SFI1: variants seen among roughly 807,000 people sequenced by gnomAD.
SFI1 encodes the protein SFI1 centrin binding protein, also known as protein SFI1 homolog.
In SFI1, 195 loss-of-function variants were observed where a neutral mutation model predicts 207.5. The ratio of observed to expected loss-of-function variants is 0.94; its 90% CI spans 0.84 to 1.06. SFI1 has a LOEUF of 1.06. Among genes scored for constraint, SFI1 ranks in the 50% least tolerant of loss-of-function variants. The probability of loss-of-function intolerance (pLI) is 0.00; values close to 1 mark genes in which losing one functional copy is unlikely to be tolerated. For synonymous variants in SFI1, 630 were observed against 598.9 expected (o/e 1.05, Z -0.76); for missense variants, 1,634 against 1,588.0 (o/e 1.03, Z -0.49).
intron 3 of SFI1, among the ~76,000 whole-genome samples, chr22:31,530,171 CAAAAAAAAAAAAAAA>C (rs1162482504): frequency 2.0e-3 from 24 of 12,108 alleles, no homozygotes; most frequent in South Asian, 7.6e-3. Flanking sequence ...GACTCCATCT[CAAAAAAAAAAAAAAA>C]AAAAAAAAAA....
At chr22:31,583,789 G>C in intron 12 of SFI1, 86 bp from the exon 13 acceptor site, 1 of 1,177,590 alleles carries the variant, frequency 8.5e-7, no homozygotes, top group Non-Finnish European at 1.3e-6. Context: ...TTCTGCTTTG[G>C]GGGAGCTCAC....
At chr22:31,538,697 C>G (rs937291234) in intron 4 of SFI1, 1 of 152,230 alleles carries the variant, frequency 6.6e-6, no homozygotes, top group Non-Finnish European at 1.5e-5. Flanking sequence ...TTTCCTTCTT[C>G]TAGAATACCT....
At chr22:31,518,803 A>G (rs1288747444) in intron 2 of SFI1, among the ~76,000 whole-genome samples, 1 of 152,126 alleles carries the variant, frequency 6.6e-6, no homozygotes, top group Non-Finnish European at 1.5e-5. Flanking sequence ...AGGAGTCTGG[A>G]ATTTTGGTAT....
At position 31,575,261 on chromosome 22, in the gene SFI1, T is replaced by C. The variant is rs1376293632; in HGVS notation, c.953T>C (p.Val318Ala). 1 of 1,612,040 alleles carries C rather than the reference T, an allele frequency of 6.2e-7. No homozygotes were observed. Among genetic ancestry groups the C allele is most frequent in the Non-Finnish European group, 8.5e-7 (1 of 1,179,134 alleles). ...GCTGAGCGATTCCATCATGTCACTG[T>C]GCTCCAGATATACTTCTGTGACTGG... ...EMAERFHHVT[V>A]LQIYFCDWQQ... is the part of the protein sequence containing the mutation. Residue 318 changes from valine to alanine, a missense_variant, in exon 10 of 33, where the codon GTG becomes GCG. Val to Ala is a moderately conservative substitution (Grantham distance 64). Transcript: ENST00000400288.
intron 15 of SFI1, among the ~76,000 whole-genome samples, chr22:31,596,017 C>T (rs1211630938): frequency 6.6e-6 from 1 of 152,090 alleles, no homozygotes; most frequent in African/African-American, 2.4e-5. Flanking sequence ...CTTTGGGAGG[C>T]AGAGGTGGGT....
chr22:31,599,847 G>A (rs1248083961), intron 15 of SFI1, among the ~76,000 whole-genome samples: 2 of 150,776 alleles, frequency 1.3e-5, no homozygotes, highest in African/African-American at 4.9e-5. Flanking sequence ...ATTCTATTTT[G>A]TCCCCATCCT....
intron 15 of SFI1, among the ~76,000 whole-genome samples, chr22:31,593,587 A>G (rs1319603495): frequency 9.2e-6 from 1 of 109,144 alleles, no homozygotes; most frequent in African/African-American, 3.7e-5. Context: ...CACTTCCCAG[A>G]CGGGGTGGCG....
chr22:31,550,438 G>C, intron 6 of SFI1, 90 bp downstream of exon 6: 1 of 1,000,712 alleles, frequency 1.0e-6, no homozygotes, highest in Admixed American at 2.4e-5. Flanking sequence ...CTCAGAGAGA[G>C]AGGAACTCTA....
Position 31,608,069 on chromosome 22 carries a change from A to G in SFI1, c.2254+36A>G, listed in dbSNP as rs569430717. The G allele has an allele frequency of 2.6e-6, 4 of 1,540,560 alleles. No individual in the cohort carries two copies. The African/African-American group carries it at 5.4e-5, about 21-fold the overall frequency. Reference sequence around the variant, plus strand: ...CCCCAGAAGCAAGTCATGTTGAGGAATGTGAAGACAGCGCTGTTGTGGAGA... The same window carrying G: ...CCCCAGAAGCAAGTCATGTTGAGGAGTGTGAAGACAGCGCTGTTGTGGAGA... On this transcript the variant is annotated intron_variant, in intron 22 of 32. Transcript: ENST00000400288.
At chr22:31,616,719 A>G (rs2071584647) in intron 29 of SFI1, 26 bp from the exon 30 acceptor site, 11 of 1,512,014 alleles carry the variant, frequency 7.3e-6, no homozygotes, top group Non-Finnish European at 9.7e-6. Flanking sequence ...TTCCTTGCTC[A>G]GCATCTACCC....
At chr22:31,594,982 ATAAT>A (rs2066880083) in intron 15 of SFI1, among the ~76,000 whole-genome samples, 1 of 151,772 alleles carries the variant, frequency 6.6e-6, no homozygotes, top group African/African-American at 2.4e-5. Flanking sequence ...AGAAATAATA[ATAAT>A]TTATTTATTT....
intron 14 of SFI1, among the ~76,000 whole-genome samples, chr22:31,586,601 T>C (rs150754795): frequency 2.0e-5 from 3 of 152,350 alleles, no homozygotes; most frequent in Admixed American, 6.5e-5. Flanking sequence ...TGGATTATGT[T>C]ACTGGCTTTG....
intron 2 of SFI1, among the ~76,000 whole-genome samples, chr22:31,512,213 G>C (rs1414870032): frequency 1.3e-5 from 2 of 151,766 alleles, no homozygotes; most frequent in Non-Finnish European, 2.9e-5. Context: ...AAATTAGCCG[G>C]GTGTGGTGGC....
rs756082993 is a variant in SFI1, at chr22:31,613,702, C to T, written c.2843C>T (p.Ala948Val). The T allele has an allele frequency of 4.0e-5, 64 of 1,612,318 alleles. No individual in the cohort carries two copies. The highest frequency in any genetic ancestry group is 4.6e-5 in the Non-Finnish European group (54 of 1,179,474). The change falls in exon 27 of 33, where the codon GCA (alanine) becomes GTA (valine). Residue 948 changes from alanine to valine, a missense_variant. Coordinates refer to ENST00000400288, the MANE Select transcript of SFI1 (RefSeq NM_001007467.3). ...GGKPQPLAAI[A>V]PSRKVTFEGP... ...AAGCCTCAGCCCCTGGCAGCCATCG[C>T]ACCCAGCAGGAAAGTGACGTTTGAG...
At position 31,557,072 on chromosome 22, in the gene SFI1, A is replaced by G. The variant is rs2061241416; in HGVS notation, c.662+13A>G. On this transcript the variant is annotated intron_variant, in intron 7 of 32. Coordinates refer to ENST00000400288, the MANE Select transcript of SFI1 (RefSeq NM_001007467.3). ...GGATTATCTTACGGTGAGTCTGCTC[A>G]ACTGCCCTACAAAGTACCAGCCATC... 1.3e-5 allele frequency: 20 copies of G among 1,535,738 alleles called. No homozygotes were observed. Among genetic ancestry groups the G allele is most frequent in the Non-Finnish European group, 1.5e-5 (17 of 1,119,812 alleles).
At chr22:31,607,432 G>A (rs13433626) in intron 21 of SFI1, among the ~76,000 whole-genome samples, 10,758 of 151,786 alleles carry the variant, frequency 0.071, 388 homozygotes, top group African/African-American at 0.11. Flanking sequence ...GTGAAACTCC[G>A]TCTCTACTAA....
Position 31,618,380 on chromosome 22 carries a change from G to A in SFI1, c.3691G>A (p.Val1231Ile), listed in dbSNP as rs139719676. Residue 1231 changes from valine to isoleucine, a missense_variant, in exon 33 of 33, where the codon GTT becomes ATT. Val to Ile is a conservative substitution (Grantham distance 29, BLOSUM62 3). Coordinates refer to ENST00000400288, the MANE Select transcript of SFI1 (RefSeq NM_001007467.3). ...TCAGCGCCAGCCCATTGGCGCCTGC[G>A]TTGCCCGCATCCAGGCCCTGCGGCA... ...QAQRQPIGAC[V>I]ARIQALRQAL... 361 of 1,605,124 alleles carry A rather than the reference G, an allele frequency of 2.2e-4. 1 individual carries two copies. In the African/African-American group the frequency reaches 2.8e-3, roughly 13 times the overall value.
At chr22:31,543,948 G>A (rs1270187359) in intron 4 of SFI1, among the ~76,000 whole-genome samples, 1 of 152,128 alleles carries the variant, frequency 6.6e-6, no homozygotes, top group Non-Finnish European at 1.5e-5. Context: ...CAGCACTTTG[G>A]GAGGCCAAGG....
chr22:31,601,019 T>C (rs2068008728), intron 15 of SFI1, among the ~76,000 whole-genome samples: 1 of 152,122 alleles, frequency 6.6e-6, no homozygotes, highest in Admixed American at 6.5e-5. Flanking sequence ...TGGCTGTTGG[T>C]CAATTGTCCC....
Sources: allele counts gnomAD v4.1 joint callset (sites outside exome capture counted in the v4.1 genomes callset), GRCh38; gene constraint gnomAD v4.1.1; transcripts MANE v1.5; gene names NCBI Gene and HGNC (gene_info 2026-07-23, HGNC 2026-07-21).